The following MAPKAPK3 variants were observed in gnomAD, a reference collection of about 807,000 sequenced individuals.
MAPKAPK3 encodes the protein MAPK activated protein kinase 3.
Under a neutral mutation model 49.2 loss-of-function variants are expected in MAPKAPK3, and 35 were observed. The ratio of observed to expected loss-of-function variants is 0.71; its 90% CI spans 0.54 to 0.94. The LOEUF is 0.94. Ranked by LOEUF, MAPKAPK3 falls within the 40% of genes least tolerant of loss-of-function variation. The pLI is 0.00. For synonymous variants in MAPKAPK3, 178 were observed against 188.7 expected (o/e 0.94, Z 0.46); for missense variants, 398 against 493.1 (o/e 0.81, Z 1.83).
intron 2 of MAPKAPK3, among the ~76,000 whole-genome samples, chr3:50,626,295 G>A (rs945390414): frequency 3.5e-4 from 53 of 152,208 alleles, no homozygotes; most frequent in African/African-American, 1.2e-3. Context: ...GCTGGTGGGA[G>A]TCTGGGAGGG....
At chr3:50,640,720 C>T (rs4267639) in intron 3 of MAPKAPK3, among the ~76,000 whole-genome samples, 145,593 of 152,302 alleles carry the variant, frequency 0.96, 69,978 homozygotes, top group East Asian at 1. Context: ...CAAGAAACCA[C>T]AGGGGTTAAT....
chr3:50,622,937 A>C (rs550658780), intron 2 of MAPKAPK3, among the ~76,000 whole-genome samples: 2 of 152,320 alleles, frequency 1.3e-5, no homozygotes, highest in South Asian at 4.1e-4. Context: ...AGAGCCCAGT[A>C]CCCTGGATGC....
intron 1 of MAPKAPK3, 129 bp downstream of exon 1, chr3:50,617,370 C>T (rs902614577): frequency 2.0e-6 from 1 of 504,478 alleles, no homozygotes; most frequent in Non-Finnish European, 3.6e-6. Flanking sequence ...GACCACCGCC[C>T]CTTGCTGCAC....
At chr3:50,646,326 A>G (rs1285896076) in intron 8 of MAPKAPK3, 62 bp downstream of exon 8, 4 of 1,607,180 alleles carry the variant, frequency 2.5e-6, no homozygotes, top group Non-Finnish European at 3.4e-6. Context: ...ATTCTGGGAA[A>G]CATCACTTTG....
At chr3:50,644,022 G>A (rs2033235012) in intron 5 of MAPKAPK3, among the ~76,000 whole-genome samples, 1 of 152,140 alleles carries the variant, frequency 6.6e-6, no homozygotes, top group South Asian at 2.1e-4. Flanking sequence ...AGCCCTGTAG[G>A]ATTCACTCTG....
intron 6 of MAPKAPK3, 103 bp downstream of exon 6, chr3:50,644,635 A>T (rs2033247639): frequency 1.6e-6 from 2 of 1,263,954 alleles, no homozygotes; most frequent in East Asian, 4.9e-5. Context: ...AAGCCCAGCA[A>T]GGAGGGAGGG....
At chr3:50,635,948 CAA>C (rs1179334515) in intron 2 of MAPKAPK3, among the ~76,000 whole-genome samples, 3 of 95,238 alleles carry the variant, frequency 3.1e-5, no homozygotes, top group East Asian at 2.9e-4. Context: ...AAAAAAAAAC[CAA>C]AAAAAAAAAA....
chr3:50,616,926 T>C (rs1007924468), upstream of MAPKAPK3, among the ~76,000 whole-genome samples: 5 of 151,910 alleles, frequency 3.3e-5, no homozygotes. Flanking sequence ...GGGGCCTCCC[T>C]GGGTGTCCCT....
intron 2 of MAPKAPK3, among the ~76,000 whole-genome samples, chr3:50,627,504 C>G (rs565668356): frequency 6.6e-6 from 1 of 152,182 alleles, no homozygotes; most frequent in Admixed American, 6.5e-5. Context: ...GGTTATGACT[C>G]AGGTTTGGAG....
At position 50,617,761 on chromosome 3, in the gene MAPKAPK3, A is replaced by T. The variant is rs750410127; in HGVS notation, c.196A>T (p.Thr66Ser). 138 of 1,613,452 alleles carry T rather than the reference A, an allele frequency of 8.6e-5. No individual in the cohort carries two copies. The highest frequency in any genetic ancestry group is 1.1e-4 in the Non-Finnish European group (134 of 1,179,990). ...GKVLECFHRR[T>S]GQKCALKLLY... is the part of the protein sequence containing the mutation. The stretch of plus-strand genomic sequence containing the variant: ...AGTGCTGGAGTGCTTCCATCGGCGC[A>T]CTGGACAGAAGTGTGCCCTGAAGGT... Residue 66 changes from threonine (T) to serine (S), a missense_variant, in exon 2 of 11, where the codon ACT (threonine) becomes TCT (serine). Transcript: ENST00000621469.
At chr3:50,647,851 T>A in intron 10 of MAPKAPK3, 43 bp from the exon 11 acceptor site, 1 of 1,572,810 alleles carries the variant, frequency 6.4e-7, no homozygotes, top group Middle Eastern at 2.1e-4. Flanking sequence ...CTAAGGTCAG[T>A]ACATCCTGAC....
At chr3:50,631,068 A>G (rs967032170) in intron 2 of MAPKAPK3, among the ~76,000 whole-genome samples, 1 of 152,202 alleles carries the variant, frequency 6.6e-6, no homozygotes, top group Non-Finnish European at 1.5e-5. Flanking sequence ...GGAGAGGTAA[A>G]TGGACAGGGT....
chr3:50,632,799 T>C (rs1480294613), intron 2 of MAPKAPK3, among the ~76,000 whole-genome samples: 2 of 152,232 alleles, frequency 1.3e-5, no homozygotes, highest in African/African-American at 4.8e-5. Flanking sequence ...GGGAAACTGC[T>C]TGTCCAAGCT....
rs114803768 is a variant in MAPKAPK3 at position 50,638,103 on chromosome 3, T to C, written c.220-2263T>C. Among the ~76,000 whole-genome samples the C allele has an allele frequency of 6.6e-3, 998 of 152,202 alleles. 6 individuals are homozygous for C. The highest frequency in any genetic ancestry group is 0.022 in the African/African-American group (934 of 41,538). ...CATTCCAGCTGTGAGCTTGGACTTTTAAGAGAGAAGAGGAGGACTCTGATG... is the reference window on the plus strand; with the variant it reads ...CATTCCAGCTGTGAGCTTGGACTTTCAAGAGAGAAGAGGAGGACTCTGATG... On this transcript the variant is annotated intron_variant, in intron 2 of 10. Transcript: ENST00000621469.
upstream of MAPKAPK3, chr3:50,611,539 A>G (rs956080952): frequency 6.6e-7 from 1 of 1,518,408 alleles, no homozygotes; most frequent in Non-Finnish European, 8.8e-7. Flanking sequence ...TGGCCCGTCA[A>G]GCCCTCCCAA....
In MAPKAPK3 at chr3:50,646,193, G is replaced by A. The variant is rs1179935029; in HGVS notation, c.758G>A (p.Gly253Glu). The A allele has an allele frequency of 6.2e-7, 1 of 1,614,162 alleles. No homozygotes were observed. The highest frequency in any genetic ancestry group is 8.5e-7 in the Non-Finnish European group (1 of 1,180,020). Residue 253 changes from glycine to glutamate, a missense_variant, in exon 8 of 11, where the codon GGG (glycine) becomes GAG (glutamate). Transcript: ENST00000621469. ...YSNTGQAISP[G>E]MKRRIRLGQY... ...AACACGGGCCAGGCCATCTCCCCGG[G>A]GATGAAGAGGAGGATTCGCCTGGGC...
chr3:50,614,234 GCT>G (rs2032406967), upstream of MAPKAPK3: 1 of 152,300 alleles, frequency 6.6e-6, no homozygotes, highest in African/African-American at 2.4e-5. Flanking sequence ...AGAAACCCTG[GCT>G]CTGATTGCTG....
rs190773037 is a variant in MAPKAPK3, at chr3:50,643,520, C to T, written c.505-889C>T. On this transcript the variant is annotated intron_variant, in intron 5 of 10. Transcript: ENST00000621469. ...ATTTCCTCCTCAGACTGGGCAGAGG[C>T]GAGCTGAGGTTACAGCTGCTGCATA... Among the ~76,000 whole-genome samples the T allele has an allele frequency of 1.0e-3, 155 of 152,262 alleles. 5 individuals carry two copies. The South Asian group carries it at 0.03, about 30-fold the overall frequency.
chr3:50,628,792 A>G (rs755495541), intron 2 of MAPKAPK3, among the ~76,000 whole-genome samples: 3 of 152,126 alleles, frequency 2.0e-5, no homozygotes, highest in Non-Finnish European at 4.4e-5. Flanking sequence ...TTCCCCAGCT[A>G]TAACACAGGA....
Sources: gnomAD v4.1 joint callset for allele counts (sites outside exome capture counted in the v4.1 genomes callset) on GRCh38, gnomAD v4.1.1 for gene constraint, MANE v1.5 for transcripts, NCBI Gene and HGNC (gene_info 2026-07-23, HGNC 2026-07-21) for gene names.